The following RFX3 variants were observed in gnomAD, a reference collection of about 807,000 sequenced individuals.
RFX3 encodes regulatory factor X3, also known as transcription factor RFX3.
RFX3 carries 14 observed loss-of-function variants against 98.6 expected under a neutral mutation model. That is an observed-to-expected ratio of 0.14 (90% CI 0.09 to 0.22). The LOEUF (loss-of-function observed/expected upper bound fraction) is 0.22, where lower values mean the gene tolerates loss of function less well. Ranked by LOEUF, RFX3 falls within the 10% of genes least tolerant of loss-of-function variation. The pLI is 1.00. For missense variants in RFX3, 639 were observed against 926.9 expected, an observed-to-expected ratio of 0.69 and a Z score of 4.03; for synonymous variants, 383 against 328.4, an observed-to-expected ratio of 1.17 and a Z score of -1.80.
chr9:3,488,656 TATAA>T (rs1309593838), intron 1 of RFX3: 5 of 283,986 alleles, frequency 1.8e-5, no homozygotes, highest in Non-Finnish European at 2.6e-5. Flanking sequence ...AATTACTAAC[TATAA>T]ATAATGTTGT....
At chr9:3,454,258 A>G (rs1174105796) in intron 1 of RFX3, among the ~76,000 whole-genome samples, 1 of 152,208 alleles carries the variant, frequency 6.6e-6, no homozygotes, top group Non-Finnish European at 1.5e-5. Flanking sequence ...GTATTTGCAT[A>G]GCTTCCCACA....
chr9:3,310,403 CTT>C (rs1829823259), intron 4 of RFX3, among the ~76,000 whole-genome samples: 1 of 152,070 alleles, frequency 6.6e-6, no homozygotes, highest in South Asian at 2.1e-4. Flanking sequence ...TATTTATTGT[CTT>C]TATAGGTCAA....
chr9:3,400,962 C>A (rs1334564768), intron 1 of RFX3, among the ~76,000 whole-genome samples: 2 of 152,182 alleles, frequency 1.3e-5, no homozygotes, highest in African/African-American at 2.4e-5. Flanking sequence ...TCAACCAGTA[C>A]ATACACTGCT....
intron 2 of RFX3, among the ~76,000 whole-genome samples, chr9:3,390,042 G>A (rs996737712): frequency 2.6e-5 from 4 of 152,154 alleles, no homozygotes; most frequent in African/African-American, 9.7e-5. Flanking sequence ...TTACTACACG[G>A]TGAAATTAGA....
At chr9:3,363,181 G>A (rs1563987797) in intron 2 of RFX3, among the ~76,000 whole-genome samples, 1 of 152,194 alleles carries the variant, frequency 6.6e-6, no homozygotes, top group East Asian at 1.9e-4. Flanking sequence ...GAGCAAATGA[G>A]CTAAAGATGT....
Position 3,424,571 on chromosome 9 carries a change from G to A in RFX3, c.-8-28975C>T, listed in dbSNP as rs367923821. On this transcript the variant is annotated intron_variant, in intron 1 of 16. Transcript: ENST00000617270. ...GAGACGGGGCTTCACCGTGTTAGCC[G>A]GGATGGTCTCGATCTCCTGACCTCG... is the stretch of plus-strand genomic sequence containing the variant. Among the ~76,000 whole-genome samples the A allele has an allele frequency of 9.4e-3, 1,396 of 148,814 alleles. 21 individuals carry two copies. Among genetic ancestry groups the A allele is most frequent in the East Asian group, 0.025 (120 of 4,792 alleles).
intron 1 of RFX3, among the ~76,000 whole-genome samples, chr9:3,474,359 A>T (rs1849038427): frequency 6.6e-6 from 1 of 152,218 alleles, no homozygotes; most frequent in Non-Finnish European, 1.5e-5. Flanking sequence ...ATTAACAGTC[A>T]AACTACAAGA....
At position 3,525,805 on chromosome 9, in the gene RFX3, GGAGGAGGAGGAA is replaced by G. The variant is rs912873202; in HGVS notation, c.-79_-68del. ...GTGATGGAGATGGTGGTGGTGGGGA[GGAGGAGGAGGAA>G]GAGGAGGAGGAGGAGGAGAGGAGTA... On this transcript the variant is annotated 5_prime_UTR_variant, in exon 1 of 17. Coordinates refer to ENST00000617270, the MANE Select transcript of RFX3 (RefSeq NM_001282116.2). The G allele has an allele frequency of 8.6e-6, 6 of 697,890 alleles. No individual in the cohort carries two copies. Among genetic ancestry groups the G allele is most frequent in the Non-Finnish European group, 1.1e-5 (6 of 566,922 alleles). 43.2% of individuals were successfully genotyped at this position (697,890 alleles called of 1,614,324 possible).
intron 1 of RFX3, among the ~76,000 whole-genome samples, chr9:3,418,467 G>C (rs963509006): frequency 6.6e-6 from 1 of 151,842 alleles, no homozygotes; most frequent in Non-Finnish European, 1.5e-5. Context: ...GCAACCTCCA[G>C]CTCCTGGGTT....
intron 2 of RFX3, among the ~76,000 whole-genome samples, chr9:3,393,002 A>T (rs1840467552): frequency 7.0e-6 from 1 of 143,328 alleles, no homozygotes. Flanking sequence ...TTGTACCTAA[A>T]AAAACACATA....
At chr9:3,489,025 A>G (rs1850514104) in intron 1 of RFX3, 1 of 330,280 alleles carries the variant, frequency 3.0e-6, no homozygotes, top group African/African-American at 2.2e-5. Flanking sequence ...CTTAGAAATT[A>G]AAGTGTAGTA....
In RFX3 at chr9:3,225,242, G is replaced by T. The variant is rs778586900; in HGVS notation, c.2050C>A (p.Leu684Met). Residue 684 changes from leucine (L) to methionine (M), a missense_variant, in exon 17 of 17, where the codon CTG becomes ATG. Leu to Met is a conservative substitution (Grantham distance 15). Transcript: ENST00000617270. ...SEVESEMDEE[L>M]DDSSEPQAKR... is the part of the protein sequence containing the mutation. ...GCTTGAGGCTCTGAAGAGTCATCCA[G>T]TTCTTCATCCATTTCACTTTCTACT... 4 of 1,613,766 alleles carry T rather than the reference G, an allele frequency of 2.5e-6. No homozygotes were observed. The highest frequency in any genetic ancestry group is 3.4e-6 in the Non-Finnish European group (4 of 1,179,890).
At chr9:3,349,097 T>A (rs184640535) in intron 2 of RFX3, among the ~76,000 whole-genome samples, 17 of 152,178 alleles carry the variant, frequency 1.1e-4, no homozygotes, top group Non-Finnish European at 1.8e-4. Context: ...AAAATACATA[T>A]CATAAATTCA....
chr9:3,366,693 C>CCTTTCTTTCTTTCT (rs1837144460), intron 2 of RFX3, among the ~76,000 whole-genome samples: 2 of 85,490 alleles, frequency 2.3e-5, no homozygotes, highest in Non-Finnish European at 4.4e-5. Context: ...TTCTTTCTTT[C>CCTTTCTTTCTTTCT]CTTTCTTTCT....
chr9:3,435,932 C>G (rs1845086228), intron 1 of RFX3, among the ~76,000 whole-genome samples: 1 of 151,804 alleles, frequency 6.6e-6, no homozygotes, highest in African/African-American at 2.4e-5. Flanking sequence ...ATCATCTGCT[C>G]CCAGTTGGTC....
intron 5 of RFX3, among the ~76,000 whole-genome samples, chr9:3,296,828 T>A (rs900792170): frequency 6.6e-6 from 1 of 152,020 alleles, no homozygotes; most frequent in East Asian, 1.9e-4. Flanking sequence ...CTAACCCACC[T>A]CGGGCTAGAT....
chr9:3,336,026 T>G lies in RFX3; in HGVS notation c.216-5509A>C, dbSNP rs533133949. Among the ~76,000 whole-genome samples, 58 of 152,318 alleles carry G rather than the reference T, an allele frequency of 3.8e-4. No individual in the cohort carries two copies. The South Asian group carries it at 8.7e-3, about 23-fold the overall frequency. On this transcript the variant is annotated intron_variant, in intron 3 of 16. Coordinates refer to ENST00000617270, the MANE Select transcript of RFX3 (RefSeq NM_001282116.2). ...CAGATACTCAGTATCTCTAAATTCT[T>G]TATTTTGTATTTTACCAAGATGTTG...
At chr9:3,280,753 T>C (rs1234477445) in intron 7 of RFX3, among the ~76,000 whole-genome samples, 1 of 151,726 alleles carries the variant, frequency 6.6e-6, no homozygotes, top group Non-Finnish European at 1.5e-5. Flanking sequence ...TCCCAAAATA[T>C]TTGAGAATGG....
intron 1 of RFX3, among the ~76,000 whole-genome samples, chr9:3,404,299 A>G (rs1841756285): frequency 6.6e-6 from 1 of 152,198 alleles, no homozygotes; most frequent in South Asian, 2.1e-4. Flanking sequence ...GTATATGTAT[A>G]TACACTTGGA....
Sources: allele counts gnomAD v4.1 joint callset (sites outside exome capture counted in the v4.1 genomes callset), GRCh38; gene constraint gnomAD v4.1.1; transcripts MANE v1.5; gene names NCBI Gene and HGNC (gene_info 2026-07-23, HGNC 2026-07-21).